Variants in SLC25A26 observed in about 807,000 individuals in gnomAD.
The protein encoded by SLC25A26 is solute carrier family 25 member 26, also known as mitochondrial S-adenosylmethionine carrier protein.
Under a neutral mutation model 37.8 loss-of-function variants are expected in SLC25A26, and 36 were observed. The observed-to-expected ratio is 0.95, with a 90% CI of 0.73 to 1.26. SLC25A26 has a LOEUF of 1.26. Ranked by LOEUF, SLC25A26 falls within the 50% of genes most tolerant of loss-of-function variation. The probability of loss-of-function intolerance (pLI) is 0.00; values close to 1 mark genes in which losing one functional copy is unlikely to be tolerated. For missense variants in SLC25A26, 390 were observed against 331.1 expected, an observed-to-expected ratio of 1.18 and a Z score of -1.38; for synonymous variants, 129 against 122.5, an observed-to-expected ratio of 1.05 and a Z score of -0.35.
intron 1 of SLC25A26, among the ~76,000 whole-genome samples, chr3:66,215,760 C>A (rs2071351300): frequency 6.6e-6 from 1 of 152,176 alleles, no homozygotes; most frequent in Non-Finnish European, 1.5e-5. Context: ...TATATATTTA[C>A]TACCCTTTGC....
rs937077234 is a variant in SLC25A26, at chr3:66,185,918, C to G, written c.-353-34824C>G. On this transcript the variant is annotated intron_variant, in intron 1 of 10. Transcript: ENST00000676754. ...GAATCAGACCTCAACTTAACCCTTACCTCACCATGATTTTACCTTCACATT... is the reference window on the plus strand; with the variant it reads ...GAATCAGACCTCAACTTAACCCTTAGCTCACCATGATTTTACCTTCACATT... Among the ~76,000 whole-genome samples, 519 of 152,158 alleles carry G rather than the reference C, an allele frequency of 3.4e-3. 4 individuals are homozygous for G. The highest frequency in any genetic ancestry group is 0.012 in the African/African-American group (478 of 41,500).
intron 6 of SLC25A26, among the ~76,000 whole-genome samples, chr3:66,350,368 C>G (rs2076421256): frequency 6.6e-6 from 1 of 152,172 alleles, no homozygotes; most frequent in African/African-American, 2.4e-5. Context: ...CACCTGGTCT[C>G]AAGTCTCAGA....
intron 6 of SLC25A26, among the ~76,000 whole-genome samples, chr3:66,355,794 TG>T (rs1559733282): frequency 1.3e-5 from 2 of 152,222 alleles, no homozygotes; most frequent in African/African-American, 4.8e-5. Flanking sequence ...CGAAAATCAT[TG>T]TCTCCTGTCT....
chr3:66,198,078 T>C (rs2071067700), intron 1 of SLC25A26, among the ~76,000 whole-genome samples: 1 of 152,006 alleles, frequency 6.6e-6, no homozygotes, highest in Non-Finnish European at 1.5e-5. Flanking sequence ...GCCAGCATCA[T>C]GGTGAAGGTC....
intron 3 of SLC25A26, among the ~76,000 whole-genome samples, chr3:66,247,047 G>A (rs1424658114): frequency 6.6e-6 from 1 of 151,750 alleles, no homozygotes; most frequent in African/African-American, 2.4e-5. Context: ...TGTATTTTTA[G>A]TAGAGACGGG....
intron 6 of SLC25A26, chr3:66,355,957 G>C: frequency 4.4e-6 from 2 of 450,102 alleles, no homozygotes; most frequent in South Asian, 3.2e-5. Flanking sequence ...TTGGAATTGA[G>C]TAGATGATTC....
At chr3:66,173,936 C>A (rs1017997605) in intron 1 of SLC25A26, among the ~76,000 whole-genome samples, 2 of 152,012 alleles carry the variant, frequency 1.3e-5, no homozygotes, top group East Asian at 1.9e-4. Flanking sequence ...GCCTGTAATC[C>A]CAGCTACTTG....
chr3:66,350,091 T>C (rs905434235), intron 6 of SLC25A26, among the ~76,000 whole-genome samples: 10 of 152,238 alleles, frequency 6.6e-5, no homozygotes, highest in African/African-American at 2.4e-4. Context: ...TATTTAAACT[T>C]GAGTTTGCAG....
chr3:66,353,823 T>C (rs1277075966), intron 6 of SLC25A26, among the ~76,000 whole-genome samples: 1 of 152,194 alleles, frequency 6.6e-6, no homozygotes, highest in Non-Finnish European at 1.5e-5. Context: ...AGAACCGAAT[T>C]TTCCACGTGC....
chr3:66,139,118 T>C (rs2069995579), intron 1 of SLC25A26, among the ~76,000 whole-genome samples: 1 of 151,996 alleles, frequency 6.6e-6, no homozygotes, highest in Admixed American at 6.6e-5. Context: ...AAGATTCTTA[T>C]GATTCTCCTG....
chr3:66,292,081 G>T (rs996263995), intron 5 of SLC25A26, among the ~76,000 whole-genome samples: 1 of 152,076 alleles, frequency 6.6e-6, no homozygotes, highest in Non-Finnish European at 1.5e-5. Context: ...TTTTATGTTT[G>T]TTGGTTTAAA....
chr3:66,316,126 A>C (rs1013190809), intron 5 of SLC25A26, among the ~76,000 whole-genome samples: 43 of 152,070 alleles, frequency 2.8e-4, no homozygotes, highest in Admixed American at 5.9e-4. Flanking sequence ...TAAGGTTACT[A>C]TTGTTATTGT....
chr3:66,284,722 C>G lies in SLC25A26; in HGVS notation c.453+21343C>G, dbSNP rs1292854929. ...GATGCAAAGTCATATAGGGTAAGTG[C>G]TCATACACAGTTCAGAAGCAGTGCT... On this transcript the variant is annotated intron_variant, in intron 5 of 9. Coordinates refer to ENST00000354883, the MANE Select transcript of SLC25A26 (RefSeq NM_001379210.1). Among the ~76,000 whole-genome samples, 3 of 152,124 alleles carry G rather than the reference C, an allele frequency of 2.0e-5. No homozygotes were observed. In the East Asian group the frequency reaches 5.8e-4, roughly 29 times the overall value.
chr3:66,191,028 A>G (rs1288773263), intron 1 of SLC25A26, among the ~76,000 whole-genome samples: 1 of 147,962 alleles, frequency 6.8e-6, no homozygotes, highest in African/African-American at 2.5e-5. Flanking sequence ...ATTAGTGCAT[A>G]TAAGCTCAGT....
At chr3:66,256,543 T>G (rs1469707204) in intron 3 of SLC25A26, among the ~76,000 whole-genome samples, 1 of 152,204 alleles carries the variant, frequency 6.6e-6, no homozygotes, top group Non-Finnish European at 1.5e-5. Context: ...TCTACTCTGT[T>G]TTTTCCCTAC....
At chr3:66,362,235 T>C (rs1559739247) in intron 6 of SLC25A26, among the ~76,000 whole-genome samples, 1 of 152,180 alleles carries the variant, frequency 6.6e-6, no homozygotes, top group African/African-American at 2.4e-5. Flanking sequence ...AAGACCTGTA[T>C]ACAAATGTTC....
chr3:66,357,494 C>G (rs916271362), intron 6 of SLC25A26, among the ~76,000 whole-genome samples: 1 of 152,016 alleles, frequency 6.6e-6, no homozygotes, highest in Non-Finnish European at 1.5e-5. Context: ...GAAAATGTGG[C>G]CCCTTGCTTT....
At chr3:66,174,603 AC>A (rs1270896175) in intron 1 of SLC25A26, among the ~76,000 whole-genome samples, 2 of 151,400 alleles carry the variant, frequency 1.3e-5, no homozygotes, top group Admixed American at 6.6e-5. Flanking sequence ...ACACGGTGAA[AC>A]CCCGTCTCTA....
At chr3:66,297,180 T>C (rs1167212218) in intron 5 of SLC25A26, among the ~76,000 whole-genome samples, 1 of 151,518 alleles carries the variant, frequency 6.6e-6, no homozygotes, top group Non-Finnish European at 1.5e-5. Flanking sequence ...ACAAAAAAAA[T>C]AGCTGGGCAT....
Sources: allele counts gnomAD v4.1 joint callset (sites outside exome capture counted in the v4.1 genomes callset), GRCh38; gene constraint gnomAD v4.1.1; transcripts MANE v1.5; gene names NCBI Gene and HGNC (gene_info 2026-07-23, HGNC 2026-07-21).